PCLO: variants seen among roughly 807,000 people sequenced by gnomAD.
PCLO encodes the protein protein piccolo.
PCLO carries 82 observed loss-of-function variants against 427.5 expected under a neutral mutation model. The observed-to-expected ratio is 0.19, with a 90% CI of 0.16 to 0.23. The LOEUF (loss-of-function observed/expected upper bound fraction) is 0.23. Among genes scored for constraint, PCLO ranks in the 10% least tolerant of loss-of-function variants. The pLI, the probability that PCLO is intolerant of heterozygous loss-of-function variation, is 1.00. For missense variants in PCLO, 6,239 were observed against 6,115.9 expected (o/e 1.02, Z -0.67); for synonymous variants, 2,357 against 2,155.4 (o/e 1.09, Z -2.59).
chr7:83,012,845 C>G (rs1788117650), intron 3 of PCLO, among the ~76,000 whole-genome samples: 1 of 151,916 alleles, frequency 6.6e-6, no homozygotes, highest in African/African-American at 2.4e-5. Context: ...ATAAAACAGA[C>G]CAGGTGTTTT....
At chr7:83,107,405 A>C (rs1790884836) in intron 3 of PCLO, among the ~76,000 whole-genome samples, 1 of 152,116 alleles carries the variant, frequency 6.6e-6, no homozygotes, top group South Asian at 2.1e-4. Context: ...AAATGTACAA[A>C]CTACAATAAC....
intron 3 of PCLO, among the ~76,000 whole-genome samples, chr7:83,082,677 CTT>C (rs1790132180): frequency 6.6e-6 from 1 of 151,528 alleles, no homozygotes; most frequent in African/African-American, 2.4e-5. Context: ...ATGATTAAGC[CTT>C]GAAGTGATAG....
chr7:83,130,482 C>T (rs1263658230), intron 3 of PCLO, among the ~76,000 whole-genome samples: 1 of 152,152 alleles, frequency 6.6e-6, no homozygotes, highest in African/African-American at 2.4e-5. Flanking sequence ...GACCAGTCTC[C>T]ATTATGTAAT....
intron 2 of PCLO, among the ~76,000 whole-genome samples, chr7:83,146,448 CTAAGAT>C (rs1791995546): frequency 6.6e-6 from 1 of 151,954 alleles, no homozygotes; most frequent in Non-Finnish European, 1.5e-5. Context: ...TTTATCTAAA[CTAAGAT>C]TAAGATACCA....
intron 3 of PCLO, among the ~76,000 whole-genome samples, chr7:83,126,807 G>A (rs865791928): frequency 1.2e-4 from 18 of 152,070 alleles, no homozygotes; most frequent in African/African-American, 3.1e-4. Context: ...CTTATATGAT[G>A]TTTACCCTCA....
At chr7:83,078,113 T>TA (rs1389363468) in intron 3 of PCLO, among the ~76,000 whole-genome samples, 1 of 152,184 alleles carries the variant, frequency 6.6e-6, no homozygotes, top group Non-Finnish European at 1.5e-5. Flanking sequence ...ATAATGGCTA[T>TA]AAAGAGAAAT....
chr7:82,886,144 G>T (rs1338569797), intron 9 of PCLO, among the ~76,000 whole-genome samples: 1 of 152,162 alleles, frequency 6.6e-6, no homozygotes, highest in Non-Finnish European at 1.5e-5. Context: ...AAATGCTTTT[G>T]GCTTAGGCAG....
intron 22 of PCLO, among the ~76,000 whole-genome samples, chr7:82,797,258 A>C (rs1365708603): frequency 6.6e-6 from 1 of 152,130 alleles, no homozygotes; most frequent in African/African-American, 2.4e-5. Flanking sequence ...AGCTTCATGG[A>C]AAGTTGTGAT....
At chr7:82,932,311 G>A (rs1794857811) in intron 6 of PCLO, among the ~76,000 whole-genome samples, 1 of 152,112 alleles carries the variant, frequency 6.6e-6, no homozygotes, top group Non-Finnish European at 1.5e-5. Context: ...TTCCAGGGCT[G>A]TGGGATAAAT....
At chr7:83,105,409 T>C (rs1790829633) in intron 3 of PCLO, among the ~76,000 whole-genome samples, 1 of 152,214 alleles carries the variant, frequency 6.6e-6, no homozygotes, top group Non-Finnish European at 1.5e-5. Context: ...TAGCTATTTA[T>C]ATATCCTCAG....
At chr7:83,000,283 G>C (rs1420636414) in intron 3 of PCLO, among the ~76,000 whole-genome samples, 3 of 150,830 alleles carry the variant, frequency 2.0e-5, no homozygotes, top group African/African-American at 7.3e-5. Flanking sequence ...GAGAGAGAGA[G>C]AGAGAGAGAG....
At chr7:82,929,971 T>C (rs1439327933) in intron 6 of PCLO, among the ~76,000 whole-genome samples, 1 of 152,180 alleles carries the variant, frequency 6.6e-6, no homozygotes, top group Non-Finnish European at 1.5e-5. Context: ...GTATTGCTTC[T>C]ACCTTCATGC....
At chr7:83,151,197 T>G (rs1314392055) in intron 2 of PCLO, among the ~76,000 whole-genome samples, 2 of 152,120 alleles carry the variant, frequency 1.3e-5, no homozygotes, top group Non-Finnish European at 1.5e-5. Context: ...TTTTTTCTTA[T>G]AGGAAAAAAA....
At chr7:83,158,715 T>C (rs1344707815) in intron 1 of PCLO, among the ~76,000 whole-genome samples, 1 of 152,054 alleles carries the variant, frequency 6.6e-6, no homozygotes, top group Non-Finnish European at 1.5e-5. Flanking sequence ...CCAGGAATTA[T>C]AATTGCATGT....
rs1788855213 is a variant in PCLO, at chr7:83,038,029, A to ATATATATC, written c.3301-71543_3301-71542insGATATATA. Among the ~76,000 whole-genome samples, 4 of 36,496 alleles carry ATATATATC rather than the reference A, an allele frequency of 1.1e-4. 1 individual carries two copies. The highest frequency in any genetic ancestry group is 1.9e-4 in the African/African-American group (1 of 5,402). The allele number at this position is 36,496 out of a possible 152,430, so 23.9% of individuals were successfully genotyped here. Reference sequence around the variant, plus strand: ...TATATATATATATATATATATATATATTTATATATTTATATATATATCTTT... The same window carrying ATATATATC: ...TATATATATATATATATATATATATATATATATCTTTATATATTTATATATATATCTTT... On this transcript the variant is annotated intron_variant, in intron 3 of 24. Transcript: ENST00000333891.
At chr7:83,027,274 A>G (rs1166175757) in intron 3 of PCLO, among the ~76,000 whole-genome samples, 1 of 150,976 alleles carries the variant, frequency 6.6e-6, no homozygotes, top group Non-Finnish European at 1.5e-5. Flanking sequence ...AAAAGGGGAT[A>G]TCACCACCGA....
chr7:82,954,221 A>G lies in PCLO; in HGVS notation c.6732T>C (p.Ser2244=), dbSNP rs1044922604. The G allele has an allele frequency of 1.2e-6, 2 of 1,613,660 alleles. No homozygotes were observed. The highest frequency in any genetic ancestry group is 4.5e-5 in the East Asian group (2 of 44,852). ...GSIIDYPEEI[S]VSLDRTAPPD... is the part of the protein sequence containing the mutation. ...GTGGGGCAGTCCGATCTAAAGATAC[A>G]CTTATTTCTTCTGGATAGTCTATAA... The change falls in exon 5 of 25, where the codon AGT becomes AGC. Residue 2244 remains serine (S), a synonymous_variant. Coordinates refer to ENST00000333891, the MANE Select transcript of PCLO (RefSeq NM_033026.6).
chr7:82,761,179 G>A (rs1240296276), intron 23 of PCLO, among the ~76,000 whole-genome samples, 180 bp downstream of exon 23: 2 of 151,468 alleles, frequency 1.3e-5, no homozygotes, highest in Admixed American at 6.6e-5. Context: ...ACACTATAAT[G>A]TATATGTTAA....
At chr7:83,088,664 T>C (rs1334604427) in intron 3 of PCLO, among the ~76,000 whole-genome samples, 7 of 152,126 alleles carry the variant, frequency 4.6e-5, no homozygotes, top group African/African-American at 1.7e-4. Context: ...CTCCTTGTGG[T>C]TCCTCCCTCT....
Sources: allele counts gnomAD v4.1 joint callset (sites outside exome capture counted in the v4.1 genomes callset), GRCh38; gene constraint gnomAD v4.1.1; transcripts MANE v1.5; gene names NCBI Gene and HGNC (gene_info 2026-07-23, HGNC 2026-07-21).